The following PRKG1 variants were observed in gnomAD, a reference collection of about 807,000 sequenced individuals.
PRKG1 encodes the protein cGMP-dependent protein kinase 1.
Under a neutral mutation model 88.1 loss-of-function variants are expected in PRKG1, and 35 were observed. That is an observed-to-expected ratio of 0.40 (90% CI 0.30 to 0.53). The LOEUF (loss-of-function observed/expected upper bound fraction) is 0.53, where lower values mean the gene tolerates loss of function less well. PRKG1 is among the 20% of genes least tolerant of loss of function. The pLI is 0.59. For synonymous variants in PRKG1, 303 were observed against 292.5 expected, an observed-to-expected ratio of 1.04 and a Z score of -0.37; for missense variants, 540 against 839.8, an observed-to-expected ratio of 0.64 and a Z score of 4.41.
At chr10:51,039,165 C>T (rs1180142485) in intron 1 of PRKG1, among the ~76,000 whole-genome samples, 2 of 152,198 alleles carry the variant, frequency 1.3e-5, no homozygotes, top group Non-Finnish European at 2.9e-5. Flanking sequence ...CCAAATTGTT[C>T]TCCATAGTGG....
intron 5 of PRKG1, among the ~76,000 whole-genome samples, chr10:51,954,671 G>A (rs1023447726): frequency 6.6e-6 from 1 of 152,184 alleles, no homozygotes; most frequent in African/African-American, 2.4e-5. Context: ...TCATATGTAT[G>A]TATCTTGGCG....
intron 6 of PRKG1, among the ~76,000 whole-genome samples, chr10:52,055,853 A>C (rs1481746072): frequency 6.6e-6 from 1 of 152,190 alleles, no homozygotes; most frequent in Non-Finnish European, 1.5e-5. Context: ...TCATATATAG[A>C]GAGATTTACA....
chr10:51,855,574 A>G (rs1840659869), intron 4 of PRKG1, among the ~76,000 whole-genome samples: 1 of 152,184 alleles, frequency 6.6e-6, no homozygotes, highest in African/African-American at 2.4e-5. Flanking sequence ...CAAGCATGAA[A>G]TTGAATTTGC....
chr10:51,360,615 A>T (rs1842458676), intron 2 of PRKG1, among the ~76,000 whole-genome samples: 1 of 151,894 alleles, frequency 6.6e-6, no homozygotes, highest in Non-Finnish European at 1.5e-5. Flanking sequence ...ATAAGAGATT[A>T]TTTCTGAGCT....
In PRKG1 at chr10:52,283,019, T is replaced by G. The variant is rs117490242; in HGVS notation, c.1709+703T>G. 2.0e-3 allele frequency among the ~76,000 whole-genome samples: 297 copies of G among 152,124 alleles called. 2 individuals carry two copies. Among genetic ancestry groups the G allele is most frequent in the East Asian group, 2.9e-3 (15 of 5,174 alleles). On this transcript the variant is annotated intron_variant, in intron 14 of 17. Coordinates refer to ENST00000373980, the MANE Select transcript of PRKG1 (RefSeq NM_006258.4). ...AAAGGGTATTCCAGGCAAATAGGCA[T>G]GGCTTAAAGAGAAAGGCAATAATCG...
intron 3 of PRKG1, among the ~76,000 whole-genome samples, chr10:51,522,785 G>T (rs910303767): frequency 6.6e-6 from 1 of 152,032 alleles, no homozygotes; most frequent in Non-Finnish European, 1.5e-5. Context: ...TATTATGTCA[G>T]TGTCAATCAT....
chr10:52,238,632 C>T (rs1255385752), intron 9 of PRKG1, among the ~76,000 whole-genome samples: 36 of 149,742 alleles, frequency 2.4e-4, no homozygotes, highest in Non-Finnish European at 4.1e-4. Context: ...TACCATCTCA[C>T]ACCAGTTAGA....
At chr10:51,560,169 C>G (rs1331278788) in intron 3 of PRKG1, among the ~76,000 whole-genome samples, 1 of 151,996 alleles carries the variant, frequency 6.6e-6, no homozygotes, top group Non-Finnish European at 1.5e-5. Context: ...AAACTCATTC[C>G]CCTTTTGGTG....
chr10:51,914,916 CA>C (rs1037702019), intron 5 of PRKG1, among the ~76,000 whole-genome samples: 2 of 151,788 alleles, frequency 1.3e-5, no homozygotes, highest in Non-Finnish European at 2.9e-5. Flanking sequence ...TTAAAAAAGA[CA>C]AAAAAATAGG....
chr10:51,893,371 C>T (rs901480690), intron 4 of PRKG1, among the ~76,000 whole-genome samples: 1 of 151,932 alleles, frequency 6.6e-6, no homozygotes, highest in African/African-American at 2.4e-5. Flanking sequence ...ATAAATTTGG[C>T]ACCTTTTTTG....
intron 9 of PRKG1, among the ~76,000 whole-genome samples, chr10:52,221,787 G>T (rs1840252415): frequency 1.3e-5 from 2 of 152,144 alleles, no homozygotes; most frequent in Non-Finnish European, 2.9e-5. Context: ...TCTAAATATT[G>T]TAACAAATGC....
chr10:51,882,083 A>G (rs17632107), intron 4 of PRKG1, among the ~76,000 whole-genome samples: 8,604 of 152,238 alleles, frequency 0.057, 299 homozygotes, highest in Middle Eastern at 0.11. Context: ...TTTAAAGCAT[A>G]AAAAAAGTCC....
intron 3 of PRKG1, among the ~76,000 whole-genome samples, chr10:51,723,645 T>C (rs1481279336): frequency 1.3e-5 from 2 of 150,580 alleles, no homozygotes; most frequent in Non-Finnish European, 3.0e-5. Context: ...TATCTGATGG[T>C]GCCAGTCAAT....
chr10:51,805,187 T>TTTTTAATAAG (rs1839272786), intron 4 of PRKG1, among the ~76,000 whole-genome samples: 1 of 152,076 alleles, frequency 6.6e-6, no homozygotes, highest in South Asian at 2.1e-4. Context: ...TAGCTTATTA[T>TTTTTAATAAG]CCTTTAATCC....
intron 5 of PRKG1, among the ~76,000 whole-genome samples, chr10:51,979,410 G>GT (rs61150252): frequency 0.014 from 638 of 47,026 alleles, 147 homozygotes; most frequent in African/African-American, 0.044. Flanking sequence ...ATATTGGTCT[G>GT]TTTTTTTTTT....
At chr10:51,960,919 G>T (rs1370430727) in intron 5 of PRKG1, among the ~76,000 whole-genome samples, 1 of 152,090 alleles carries the variant, frequency 6.6e-6, no homozygotes, top group Non-Finnish European at 1.5e-5. Flanking sequence ...TATATGCCAT[G>T]CTACTCAGGC....
At chr10:51,366,544 A>T (rs1020811282) in intron 2 of PRKG1, among the ~76,000 whole-genome samples, 17 of 151,906 alleles carry the variant, frequency 1.1e-4, no homozygotes, top group Admixed American at 4.6e-4. Context: ...ACCTGATAAC[A>T]TACCTATCTG....
intron 3 of PRKG1, among the ~76,000 whole-genome samples, chr10:51,685,256 T>C: frequency 6.6e-6 from 1 of 152,192 alleles, no homozygotes; most frequent in East Asian, 1.9e-4. Flanking sequence ...CAATGGTGCT[T>C]CCACCTCTTA....
intron 5 of PRKG1, among the ~76,000 whole-genome samples, chr10:52,027,110 C>A (rs895620673): frequency 6.6e-6 from 1 of 152,180 alleles, no homozygotes; most frequent in African/African-American, 2.4e-5. Context: ...TCCATGGGAA[C>A]TGCACTTGAA....
Sources: allele counts gnomAD v4.1 joint callset (sites outside exome capture counted in the v4.1 genomes callset), GRCh38; gene constraint gnomAD v4.1.1; transcripts MANE v1.5; gene names NCBI Gene and HGNC (gene_info 2026-07-23, HGNC 2026-07-21).